DENND1A: variants seen among roughly 807,000 people sequenced by gnomAD.
DENND1A encodes DENN domain containing 1A, also known as DENN domain-containing protein 1A.
Under a neutral mutation model 113.7 loss-of-function variants are expected in DENND1A, and 51 were observed. The observed-to-expected ratio is 0.45, with a 90% CI of 0.36 to 0.57. The LOEUF (loss-of-function observed/expected upper bound fraction) is 0.57. DENND1A is among the 20% of genes least tolerant of loss of function. DENND1A has a pLI of 0.00. For missense variants in DENND1A, 1,258 were observed against 1,395.9 expected (o/e 0.90, Z 1.57); for synonymous variants, 565 against 570.8 (o/e 0.99, Z 0.14).
chr9:123,836,973 G>A (rs1226280401), intron 2 of DENND1A, among the ~76,000 whole-genome samples: 1 of 152,066 alleles, frequency 6.6e-6, no homozygotes, highest in African/African-American at 2.4e-5. Context: ...TACCTACTAC[G>A]AGGAAAGTAC....
rs1028532897 is a variant in DENND1A, at chr9:123,380,646, T to C, written c.*786A>G. 5.9e-5 allele frequency: 9 copies of C among 152,354 alleles called. No individual in the cohort carries two copies. Among genetic ancestry groups the C allele is most frequent in the African/African-American group, 2.2e-4 (9 of 41,426 alleles). 9.4% of individuals were successfully genotyped at this position (152,354 alleles called of 1,614,324 possible). On this transcript the variant is annotated 3_prime_UTR_variant, in exon 24 of 24. Coordinates refer to ENST00000394215, the MANE Select transcript of DENND1A (RefSeq NM_001352964.2). ...TGACAGTGAGGGGAGTACCTGGAGG[T>C]ATCAGCGTGCCAGAGCTGGATGAGG... is the stretch of plus-strand genomic sequence containing the variant.
intron 9 of DENND1A, among the ~76,000 whole-genome samples, chr9:123,633,957 A>G (rs2061592608): frequency 6.6e-6 from 1 of 152,238 alleles, no homozygotes; most frequent in African/African-American, 2.4e-5. Context: ...AAAATCTACA[A>G]GGTCCCATAC....
At chr9:123,467,964 G>A (rs541609854) in intron 13 of DENND1A, among the ~76,000 whole-genome samples, 67 of 152,248 alleles carry the variant, frequency 4.4e-4, no homozygotes, top group Non-Finnish European at 6.8e-4. Context: ...CTTCTTCATG[G>A]TACTTCCTTG....
chr9:123,909,524 ATG>A (rs1853577510), intron 1 of DENND1A, among the ~76,000 whole-genome samples: 1 of 152,034 alleles, frequency 6.6e-6, no homozygotes, highest in Non-Finnish European at 1.5e-5. Flanking sequence ...CAACGTAAAA[ATG>A]GACAGAAACT....
At chr9:123,460,589 T>C (rs2048448883) in intron 13 of DENND1A, among the ~76,000 whole-genome samples, 1 of 152,218 alleles carries the variant, frequency 6.6e-6, no homozygotes, top group African/African-American at 2.4e-5. Context: ...TTATCCACAG[T>C]TACCCACAGT....
intron 1 of DENND1A, among the ~76,000 whole-genome samples, chr9:123,895,466 T>TA (rs1285421760): frequency 2.6e-5 from 4 of 151,256 alleles, no homozygotes; most frequent in Admixed American, 6.6e-5. Flanking sequence ...ACTAAAAATA[T>TA]AAAAAATTAG....
At chr9:123,785,490 A>ATT (rs11386804) in intron 3 of DENND1A, among the ~76,000 whole-genome samples, 9 of 151,660 alleles carry the variant, frequency 5.9e-5, no homozygotes, top group African/African-American at 1.7e-4. Flanking sequence ...GTGATAGACT[A>ATT]TTTTTTTTTA....
intron 5 of DENND1A, among the ~76,000 whole-genome samples, chr9:123,755,413 G>A (rs140434630): frequency 6.6e-6 from 1 of 151,846 alleles, no homozygotes; most frequent in Non-Finnish European, 1.5e-5. Flanking sequence ...CAAACTGCTA[G>A]GATTACAGGA....
chr9:123,566,349 G>A (rs2058051049), intron 12 of DENND1A, among the ~76,000 whole-genome samples: 1 of 152,096 alleles, frequency 6.6e-6, no homozygotes, highest in Non-Finnish European at 1.5e-5. Flanking sequence ...CAAAGATCCT[G>A]GTTCTCCATG....
chr9:123,792,156 C>G (rs1051033574), intron 3 of DENND1A, among the ~76,000 whole-genome samples: 3 of 152,170 alleles, frequency 2.0e-5, no homozygotes, highest in Non-Finnish European at 4.4e-5. Flanking sequence ...TCCAATACTA[C>G]CATAACACAT....
intron 11 of DENND1A, among the ~76,000 whole-genome samples, chr9:123,603,224 T>G (rs573381396): frequency 1.3e-5 from 2 of 152,258 alleles, no homozygotes; most frequent in Admixed American, 1.3e-4. Context: ...AAGAAAAAAC[T>G]AGTTAAAATA....
Position 123,452,202 on chromosome 9 carries a change from GTAAA to G in DENND1A, c.1299+70_1299+73del. On this transcript the variant is annotated intron_variant, in intron 17 of 23. Coordinates refer to ENST00000394215, the MANE Select transcript of DENND1A (RefSeq NM_001352964.2). Reference sequence around the variant, plus strand: ...GAGCAAGACCCAGTTTCAAAAGTAAGTAAATAAATAAAGAGTCTCATCATGCTAA... The same window carrying G: ...GAGCAAGACCCAGTTTCAAAAGTAAGTAAATAAAGAGTCTCATCATGCTAA... 2.9e-6 allele frequency: 4 copies of G among 1,400,708 alleles called. No individual in the cohort carries two copies. The South Asian group carries it at 4.7e-5, about 16-fold the overall frequency. 86.8% of individuals were successfully genotyped at this position (1,400,708 alleles called of 1,614,324 possible).
At chr9:123,605,376 A>G (rs1447076275) in intron 11 of DENND1A, among the ~76,000 whole-genome samples, 1 of 152,222 alleles carries the variant, frequency 6.6e-6, no homozygotes, top group Non-Finnish European at 1.5e-5. Context: ...GCTACCAGAG[A>G]TGGCACAGAA....
intron 2 of DENND1A, among the ~76,000 whole-genome samples, chr9:123,811,752 C>A (rs1194439373): frequency 2.0e-5 from 3 of 152,084 alleles, no homozygotes; most frequent in African/African-American, 7.2e-5. Context: ...GAGCAAGACT[C>A]CAACTCAAAA....
At chr9:123,852,654 C>T (rs570046026) in intron 2 of DENND1A, among the ~76,000 whole-genome samples, 19 of 152,294 alleles carry the variant, frequency 1.2e-4, no homozygotes, top group African/African-American at 3.8e-4. Context: ...ACTTATGCGA[C>T]GGGCCTCAGT....
intron 5 of DENND1A, among the ~76,000 whole-genome samples, chr9:123,755,934 G>A (rs1196875956): frequency 6.6e-6 from 1 of 152,114 alleles, no homozygotes; most frequent in Admixed American, 6.6e-5. Context: ...TTTTGAGATG[G>A]AGTTTCGCTC....
intron 1 of DENND1A, among the ~76,000 whole-genome samples, chr9:123,922,771 G>A (rs1293068945): frequency 6.6e-6 from 1 of 152,126 alleles, no homozygotes; most frequent in African/African-American, 2.4e-5. Context: ...TTACTGATTT[G>A]TACATAACAG....
intron 19 of DENND1A, among the ~76,000 whole-genome samples, chr9:123,419,309 T>C (rs10760286): frequency 0.41 from 61,669 of 152,150 alleles, 15,210 homozygotes; most frequent in Non-Finnish European, 0.56. Flanking sequence ...TCTGTGTGCA[T>C]TGTGTACTCT....
intron 2 of DENND1A, among the ~76,000 whole-genome samples, chr9:123,824,103 A>G (rs1273167297): frequency 6.6e-5 from 10 of 152,190 alleles, no homozygotes; most frequent in Non-Finnish European, 1.3e-4. Flanking sequence ...CAAGGTGATA[A>G]TTCTCATTAT....
Sources: gnomAD v4.1 joint callset for allele counts (sites outside exome capture counted in the v4.1 genomes callset) on GRCh38, gnomAD v4.1.1 for gene constraint, MANE v1.5 for transcripts, NCBI Gene and HGNC (gene_info 2026-07-23, HGNC 2026-07-21) for gene names.